Variants in UBE2H observed in about 807,000 individuals in gnomAD.
UBE2H encodes the protein ubiquitin conjugating enzyme E2 H.
A neutral mutation model predicts 29.0 loss-of-function variants in UBE2H; 3 were observed. The ratio of observed to expected loss-of-function variants is 0.10; its 90% CI spans 0.05 to 0.27. The LOEUF is 0.27. Ranked by LOEUF, UBE2H falls within the 10% of genes least tolerant of loss-of-function variation. The pLI is 1.00. For synonymous variants in UBE2H, 69 were observed against 82.9 expected (o/e 0.83, Z 0.91); for missense variants, 68 against 228.2 (o/e 0.30, Z 4.52).
At chr7:129,855,087 G>A (rs1805680729) in intron 5 of UBE2H, among the ~76,000 whole-genome samples, 1 of 152,204 alleles carries the variant, frequency 6.6e-6, no homozygotes, top group East Asian at 1.9e-4. Context: ...AAAATTGACT[G>A]TGGTGATGGC....
intron 1 of UBE2H, among the ~76,000 whole-genome samples, chr7:129,928,948 T>C (rs1264975129): frequency 2.6e-5 from 4 of 152,222 alleles, no homozygotes; most frequent in Admixed American, 2.0e-4. Context: ...GAAATAAAGA[T>C]AACTGCTTTA....
chr7:129,879,655 T>C lies in UBE2H; in HGVS notation c.131-13A>G, dbSNP rs367643364. 31 of 1,606,756 alleles carry C rather than the reference T, an allele frequency of 1.9e-5. No individual in the cohort carries two copies. Among genetic ancestry groups the C allele is most frequent in the Non-Finnish European group, 2.5e-5 (29 of 1,175,960 alleles). The stretch of plus-strand genomic sequence containing the variant: ...CCTTCATATGGTGCTGAAATAAAAG[T>C]AAAAATGTTCATCAGAACTACATCT... On this transcript the variant is annotated splice_polypyrimidine_tract_variant and intron_variant, in intron 2 of 6. Transcript: ENST00000355621.
chr7:129,937,273 G>A (rs1396756785), intron 1 of UBE2H, among the ~76,000 whole-genome samples: 1 of 151,594 alleles, frequency 6.6e-6, no homozygotes, highest in Admixed American at 6.6e-5. Context: ...AGCTTGCAGT[G>A]AGCCGAGATC....
intron 1 of UBE2H, among the ~76,000 whole-genome samples, chr7:129,923,900 T>C (rs926176788): frequency 3.3e-5 from 5 of 152,172 alleles, no homozygotes; most frequent in African/African-American, 1.2e-4. Context: ...GAAGACATTC[T>C]TAACTAGCTC....
chr7:129,932,175 G>C (rs1374724585), intron 1 of UBE2H, among the ~76,000 whole-genome samples: 1 of 149,450 alleles, frequency 6.7e-6, no homozygotes, highest in African/African-American at 2.5e-5. Flanking sequence ...CCAGGCTGGA[G>C]TGCAGTGGCG....
intron 1 of UBE2H, among the ~76,000 whole-genome samples, chr7:129,893,457 C>T (rs570133617): frequency 5.3e-5 from 8 of 152,166 alleles, no homozygotes; most frequent in East Asian, 3.9e-4. Flanking sequence ...CCATCCCCAA[C>T]AAAATATTTT....
chr7:129,878,852 G>T (rs553569788), intron 3 of UBE2H, among the ~76,000 whole-genome samples: 1 of 45,810 alleles, frequency 2.2e-5, no homozygotes, highest in African/African-American at 6.4e-5. Flanking sequence ...CATGTATAAA[G>T]TGAAGCAAAA....
chr7:129,952,435 C>T, intron 1 of UBE2H, 68 bp downstream of exon 1: 1 of 1,579,358 alleles, frequency 6.3e-7, no homozygotes, highest in Non-Finnish European at 8.6e-7. Flanking sequence ...GCAGTGGTTC[C>T]GGGGGTGCCC....
intron 3 of UBE2H, among the ~76,000 whole-genome samples, chr7:129,873,174 A>G (rs914026036): frequency 4.6e-5 from 7 of 151,756 alleles, no homozygotes; most frequent in Non-Finnish European, 8.8e-5. Flanking sequence ...GCCCGCCACC[A>G]TGCCCAGCTA....
At chr7:129,933,125 G>C (rs1183426086) in intron 1 of UBE2H, among the ~76,000 whole-genome samples, 1 of 152,176 alleles carries the variant, frequency 6.6e-6, no homozygotes, top group East Asian at 1.9e-4. Flanking sequence ...TCTGGTTTAA[G>C]TATCTTTCCT....
At chr7:129,941,010 A>G (rs776909169) in intron 1 of UBE2H, among the ~76,000 whole-genome samples, 16 of 151,826 alleles carry the variant, frequency 1.1e-4, no homozygotes, top group Non-Finnish European at 2.2e-4. Flanking sequence ...GCTGTAGTAC[A>G]ATGGCACCAT....
chr7:129,946,568 C>T (rs889170719), intron 1 of UBE2H, among the ~76,000 whole-genome samples: 1 of 152,018 alleles, frequency 6.6e-6, no homozygotes. Flanking sequence ...CTTCTTAGAC[C>T]CCACCCTAGA....
intron 3 of UBE2H, among the ~76,000 whole-genome samples, chr7:129,870,226 C>A (rs1370991538): frequency 1.3e-5 from 2 of 152,164 alleles, no homozygotes; most frequent in Non-Finnish European, 2.9e-5. Flanking sequence ...GGTGCTCCTG[C>A]AATTCTCTTC....
chr7:129,863,025 TAAGTC>T (rs1416442942), intron 3 of UBE2H, among the ~76,000 whole-genome samples: 1 of 152,176 alleles, frequency 6.6e-6, no homozygotes, highest in Non-Finnish European at 1.5e-5. Context: ...TTAAAGGTGT[TAAGTC>T]AAGCAAATAA....
At chr7:129,929,807 C>T (rs1210935560) in intron 1 of UBE2H, among the ~76,000 whole-genome samples, 2 of 152,076 alleles carry the variant, frequency 1.3e-5, no homozygotes, top group African/African-American at 4.8e-5. Flanking sequence ...GTCAGGCGTT[C>T]GAGACCAGCC....
chr7:129,927,815 G>C (rs959966370), intron 1 of UBE2H, among the ~76,000 whole-genome samples: 1 of 152,030 alleles, frequency 6.6e-6, no homozygotes, highest in Non-Finnish European at 1.5e-5. Flanking sequence ...CTGGTGGGGA[G>C]GTAGCCAGAG....
intron 1 of UBE2H, among the ~76,000 whole-genome samples, chr7:129,923,114 A>ATGT (rs1807198932): frequency 6.6e-6 from 1 of 151,164 alleles, no homozygotes; most frequent in South Asian, 2.1e-4. Flanking sequence ...GTTAGCCAGG[A>ATGT]TGTTCTCAAT....
intron 1 of UBE2H, among the ~76,000 whole-genome samples, chr7:129,951,819 T>C (rs988501746): frequency 6.6e-6 from 1 of 152,142 alleles, no homozygotes; most frequent in Non-Finnish European, 1.5e-5. Flanking sequence ...GGTGGCTTGC[T>C]GGAGGGCCCG....
intron 1 of UBE2H, among the ~76,000 whole-genome samples, chr7:129,921,951 T>C (rs894444777): frequency 1.3e-5 from 2 of 152,164 alleles, no homozygotes; most frequent in Non-Finnish European, 2.9e-5. Flanking sequence ...GGTGTGATAA[T>C]GGTACTGTGT....
Sources: gnomAD v4.1 joint callset for allele counts (sites outside exome capture counted in the v4.1 genomes callset) on GRCh38, gnomAD v4.1.1 for gene constraint, MANE v1.5 for transcripts, NCBI Gene and HGNC (gene_info 2026-07-23, HGNC 2026-07-21) for gene names.